The following ZCWPW2 variants were observed in gnomAD, a reference collection of about 807,000 sequenced individuals.
ZCWPW2 encodes zinc finger CW-type and PWWP domain containing 2.
ZCWPW2 carries 45 observed loss-of-function variants against 46.6 expected under a neutral mutation model. That is an observed-to-expected ratio of 0.96 (90% CI 0.76 to 1.24). The LOEUF (loss-of-function observed/expected upper bound fraction) is 1.24. ZCWPW2 is among the 50% of genes most tolerant of loss of function. ZCWPW2 has a pLI of 0.00. For synonymous variants in ZCWPW2, 152 were observed against 137.1 expected (o/e 1.11, Z -0.76); for missense variants, 429 against 403.9 (o/e 1.06, Z -0.53).
chr3:28,481,579 A>C (rs1259277485), intron 5 of ZCWPW2, among the ~76,000 whole-genome samples: 1 of 152,136 alleles, frequency 6.6e-6, no homozygotes, highest in Non-Finnish European at 1.5e-5. Flanking sequence ...CTTAGTGATT[A>C]TGATCATTTT....
intron 4 of ZCWPW2, chr3:28,461,519 C>CT (rs1470263429): frequency 2.0e-5 from 3 of 151,948 alleles, no homozygotes; most frequent in East Asian, 3.9e-4. Context: ...ATAAATTTTT[C>CT]TTTTTCCTTT....
At chr3:28,372,306 T>C (rs1427008239) in intron 1 of ZCWPW2, among the ~76,000 whole-genome samples, 3 of 152,178 alleles carry the variant, frequency 2.0e-5, no homozygotes, top group African/African-American at 7.2e-5. Context: ...TATAGTATTT[T>C]TTTTGTGATA....
chr3:28,372,071 T>G (rs576228497), intron 1 of ZCWPW2, among the ~76,000 whole-genome samples: 1 of 152,022 alleles, frequency 6.6e-6, no homozygotes, highest in East Asian at 1.9e-4. Flanking sequence ...TCTTCCTCCT[T>G]TCTTCATTTT....
intron 3 of ZCWPW2, among the ~76,000 whole-genome samples, chr3:28,421,559 T>G (rs942157814): frequency 5.3e-5 from 8 of 151,956 alleles, no homozygotes; most frequent in Non-Finnish European, 1.2e-4. Flanking sequence ...CAGGCTTCAT[T>G]GGAGCTTTTT....
At chr3:28,473,423 C>T (rs1191546437) in intron 4 of ZCWPW2, among the ~76,000 whole-genome samples, 1 of 151,602 alleles carries the variant, frequency 6.6e-6, no homozygotes, top group Non-Finnish European at 1.5e-5. Context: ...TGCACTGAGC[C>T]GAAATCATGC....
At chr3:28,364,319 TC>T (rs1705045139) in intron 1 of ZCWPW2, among the ~76,000 whole-genome samples, 1 of 142,782 alleles carries the variant, frequency 7.0e-6, no homozygotes. Context: ...ATAAAAACAT[TC>T]TTTTTTTTTT....
At chr3:28,363,624 C>G (rs898793833) in intron 1 of ZCWPW2, among the ~76,000 whole-genome samples, 12 of 152,080 alleles carry the variant, frequency 7.9e-5, no homozygotes, top group African/African-American at 2.9e-4. Flanking sequence ...AGCCCACACC[C>G]CACCCACCTC....
chr3:28,524,620 G>T lies in ZCWPW2; in HGVS notation c.1003G>T (p.Ala335Ser), dbSNP rs1700806467. Residue 335 changes from alanine to serine, a missense_variant, in exon 10 of 10, where the codon GCT becomes TCT. Coordinates refer to ENST00000383768, the MANE Select transcript of ZCWPW2 (RefSeq NM_001040432.4). Reference protein sequence around the residue: ...YLVIDGIKLKAGECIEDITNK... With the variant: ...YLVIDGIKLKSGECIEDITNK... ...TGTAATTGATGGGATAAAATTAAAA[G>T]CTGGAGAATGTATTGAGGATATAAC... 6.2e-7 allele frequency: 1 copy of T among 1,607,664 alleles called. No homozygotes were observed. The highest frequency in any genetic ancestry group is 8.5e-7 in the Non-Finnish European group (1 of 1,176,584).
chr3:28,488,253 G>A (rs532495826), intron 5 of ZCWPW2, among the ~76,000 whole-genome samples: 1 of 152,268 alleles, frequency 6.6e-6, no homozygotes, highest in South Asian at 2.1e-4. Flanking sequence ...ACCCTGCTCA[G>A]GTTGGTTGTG....
chr3:28,369,318 G>A (rs1705230791), intron 1 of ZCWPW2, among the ~76,000 whole-genome samples: 1 of 152,100 alleles, frequency 6.6e-6, no homozygotes, highest in Non-Finnish European at 1.5e-5. Flanking sequence ...TGATGGTGAC[G>A]TACAGATGGG....
At chr3:28,404,122 T>C (rs1696058653) in intron 2 of ZCWPW2, among the ~76,000 whole-genome samples, 3 of 151,772 alleles carry the variant, frequency 2.0e-5, no homozygotes, top group Non-Finnish European at 4.4e-5. Context: ...AAAAAATTCT[T>C]CACAACCTAT....
intron 8 of ZCWPW2, among the ~76,000 whole-genome samples, chr3:28,518,495 C>A (rs1559537835): frequency 6.6e-6 from 1 of 152,118 alleles, no homozygotes. Flanking sequence ...GCAAACTTCC[C>A]ACTGCTCTGG....
chr3:28,426,547 T>C (rs992424236), intron 3 of ZCWPW2, among the ~76,000 whole-genome samples: 2 of 152,202 alleles, frequency 1.3e-5, no homozygotes, highest in African/African-American at 2.4e-5. Flanking sequence ...AGTATATAAA[T>C]TGATAAATTG....
chr3:28,401,953 A>C (rs1294839659), intron 2 of ZCWPW2, among the ~76,000 whole-genome samples: 1 of 151,916 alleles, frequency 6.6e-6, no homozygotes, highest in Non-Finnish European at 1.5e-5. Flanking sequence ...TTAGCCCTAA[A>C]TGCCTACCTC....
chr3:28,360,444 A>T (rs919572063), intron 1 of ZCWPW2, among the ~76,000 whole-genome samples: 2 of 151,146 alleles, frequency 1.3e-5, no homozygotes, highest in Non-Finnish European at 2.9e-5. Flanking sequence ...AATGGCATCA[A>T]CCCAGGAGGC....
intron 4 of ZCWPW2, among the ~76,000 whole-genome samples, chr3:28,451,844 ATAAAAAC>A (rs1224380764): frequency 3.9e-5 from 6 of 152,208 alleles, no homozygotes; most frequent in African/African-American, 1.4e-4. Flanking sequence ...ACGTTGGAAA[ATAAAAAC>A]TAAAAACTAA....
intron 2 of ZCWPW2, among the ~76,000 whole-genome samples, chr3:28,393,032 G>A (rs1010766237): frequency 1.3e-5 from 2 of 151,702 alleles, no homozygotes; most frequent in Non-Finnish European, 2.9e-5. Context: ...TTTTTGAAAG[G>A]ATAAACAAAA....
At chr3:28,363,362 T>C (rs1260529696) in intron 1 of ZCWPW2, among the ~76,000 whole-genome samples, 1 of 152,108 alleles carries the variant, frequency 6.6e-6, no homozygotes, top group Non-Finnish European at 1.5e-5. Flanking sequence ...CAGTGGCCAA[T>C]AAAAAAGAAA....
chr3:28,402,177 G>A (rs148498071), intron 2 of ZCWPW2, among the ~76,000 whole-genome samples: 1 of 152,002 alleles, frequency 6.6e-6, no homozygotes, highest in African/African-American at 2.4e-5. Context: ...TAGACTATTA[G>A]CAAGATTAAC....
Sources: gnomAD v4.1 joint callset for allele counts (sites outside exome capture counted in the v4.1 genomes callset) on GRCh38, gnomAD v4.1.1 for gene constraint, MANE v1.5 for transcripts, NCBI Gene and HGNC (gene_info 2026-07-23, HGNC 2026-07-21) for gene names.